ZDHHC14: variants seen among roughly 807,000 people sequenced by gnomAD.
ZDHHC14 encodes the protein zDHHC palmitoyltransferase 14, also known as palmitoyltransferase ZDHHC14.
A neutral mutation model predicts 47.7 loss-of-function variants in ZDHHC14; 16 were observed. The observed-to-expected ratio is 0.34, with a 90% CI of 0.23 to 0.51. The LOEUF is 0.51. Ranked by LOEUF, ZDHHC14 falls within the 20% of genes least tolerant of loss-of-function variation. ZDHHC14 has a pLI of 0.97. For missense variants in ZDHHC14, 515 were observed against 662.5 expected (o/e 0.78, Z 2.44); for synonymous variants, 293 against 278.9 (o/e 1.05, Z -0.50).
chr6:157,608,342 G>A (rs1784622420), intron 3 of ZDHHC14, among the ~76,000 whole-genome samples: 1 of 150,428 alleles, frequency 6.6e-6, no homozygotes, highest in African/African-American at 2.5e-5. Flanking sequence ...TGCCTGCAAA[G>A]AGCTTAGAGA....
intron 3 of ZDHHC14, among the ~76,000 whole-genome samples, chr6:157,599,993 T>G (rs909162408): frequency 6.6e-6 from 1 of 152,086 alleles, no homozygotes; most frequent in Non-Finnish European, 1.5e-5. Flanking sequence ...AAGGAGTGAG[T>G]AGAAAACTGG....
intron 2 of ZDHHC14, among the ~76,000 whole-genome samples, chr6:157,588,401 G>A (rs1032911172): frequency 6.6e-6 from 1 of 152,222 alleles, no homozygotes; most frequent in East Asian, 1.9e-4. Flanking sequence ...CAAGGCTACA[G>A]TGAGCTATGA....
chr6:157,516,311 T>G (rs1354092994), intron 1 of ZDHHC14, among the ~76,000 whole-genome samples: 1 of 152,246 alleles, frequency 6.6e-6, no homozygotes, highest in Admixed American at 6.5e-5. Context: ...CATCCGTATA[T>G]AGCATTGTGA....
chr6:157,617,966 G>A (rs1337640072), intron 3 of ZDHHC14, among the ~76,000 whole-genome samples: 1 of 152,196 alleles, frequency 6.6e-6, no homozygotes, highest in Non-Finnish European at 1.5e-5. Flanking sequence ...CAGCCATTCC[G>A]AGCTAAGATG....
At chr6:157,619,492 A>G (rs540519884) in intron 3 of ZDHHC14, among the ~76,000 whole-genome samples, 1 of 152,366 alleles carries the variant, frequency 6.6e-6, no homozygotes, top group Non-Finnish European at 1.5e-5. Context: ...TCTGTTGTCT[A>G]GTAGTCAAGC....
intron 7 of ZDHHC14, among the ~76,000 whole-genome samples, chr6:157,653,039 C>T (rs1777912128): frequency 6.6e-6 from 1 of 152,148 alleles, no homozygotes; most frequent in African/African-American, 2.4e-5. Flanking sequence ...AACAAAAACA[C>T]AGAGATAGCC....
At chr6:157,633,672 T>C (rs989075532) in intron 5 of ZDHHC14, among the ~76,000 whole-genome samples, 1 of 152,106 alleles carries the variant, frequency 6.6e-6, no homozygotes, top group South Asian at 2.1e-4. Flanking sequence ...AAGGGAATTA[T>C]TCGTTTTTGT....
intron 1 of ZDHHC14, among the ~76,000 whole-genome samples, chr6:157,434,611 G>C (rs1310835404): frequency 6.6e-6 from 1 of 152,038 alleles, no homozygotes; most frequent in Non-Finnish European, 1.5e-5. Flanking sequence ...CTGCAATAGG[G>C]CTTTCTTTTA....
chr6:157,397,715 C>G (rs1045591196), intron 1 of ZDHHC14, among the ~76,000 whole-genome samples: 5 of 152,222 alleles, frequency 3.3e-5, no homozygotes, highest in Admixed American at 2.6e-4. Flanking sequence ...TTTGGGGGAA[C>G]GTTATTCTCC....
At chr6:157,558,057 C>T (rs1001560008) in intron 2 of ZDHHC14, among the ~76,000 whole-genome samples, 5 of 152,244 alleles carry the variant, frequency 3.3e-5, no homozygotes, top group Middle Eastern at 3.4e-3. Flanking sequence ...TTTTATTTAG[C>T]CCAGTTATTG....
chr6:157,395,051 A>G (rs1403388537), intron 1 of ZDHHC14, among the ~76,000 whole-genome samples: 2 of 148,422 alleles, frequency 1.3e-5, no homozygotes, highest in Non-Finnish European at 3.0e-5. Context: ...GCGGCCCTTC[A>G]TCTCGTGTGC....
chr6:157,454,480 C>T (rs1361910795), intron 1 of ZDHHC14, among the ~76,000 whole-genome samples: 1 of 148,578 alleles, frequency 6.7e-6, no homozygotes, highest in African/African-American at 2.5e-5. Flanking sequence ...TTTTAAAATG[C>T]TTTTAATGCA....
intron 1 of ZDHHC14, among the ~76,000 whole-genome samples, chr6:157,524,189 G>A (rs531879775): frequency 6.6e-6 from 1 of 151,670 alleles, no homozygotes; most frequent in African/African-American, 2.4e-5. Flanking sequence ...GAGTGCAATG[G>A]TGTGATCTTG....
At chr6:157,621,056 G>A (rs139854557) in intron 3 of ZDHHC14, among the ~76,000 whole-genome samples, 2,425 of 152,284 alleles carry the variant, frequency 0.016, 30 homozygotes, top group South Asian at 0.036. Flanking sequence ...AGGTGAAGTT[G>A]CTTTTCAGAA....
At chr6:157,608,654 A>C (rs1336925098) in intron 3 of ZDHHC14, among the ~76,000 whole-genome samples, 1 of 152,216 alleles carries the variant, frequency 6.6e-6, no homozygotes, top group East Asian at 1.9e-4. Flanking sequence ...AGTGTGGCAG[A>C]GAGGGCTGCA....
intron 2 of ZDHHC14, among the ~76,000 whole-genome samples, chr6:157,543,488 T>C (rs1411482590): frequency 6.6e-6 from 1 of 152,190 alleles, no homozygotes; most frequent in Non-Finnish European, 1.5e-5. Context: ...GAACATAATG[T>C]TTAGGCCTGA....
At chr6:157,501,607 A>G (rs1224822758) in intron 1 of ZDHHC14, among the ~76,000 whole-genome samples, 3 of 152,216 alleles carry the variant, frequency 2.0e-5, no homozygotes, top group Admixed American at 1.3e-4. Context: ...ATGTTCAGAG[A>G]GCTCTTGCAT....
intron 8 of ZDHHC14, among the ~76,000 whole-genome samples, chr6:157,661,553 A>ATT (rs1162101061): frequency 6.6e-6 from 1 of 152,220 alleles, no homozygotes; most frequent in Non-Finnish European, 1.5e-5. Context: ...GATGGAAGGA[A>ATT]AAGCTTTGCA....
At position 157,522,920 on chromosome 6, in the gene ZDHHC14, CCTTTCTTT is replaced by C. The variant is rs781533305; in HGVS notation, c.246-19647_246-19640del. ...TCCTTCCTTCCTTCCTTCCTTCCTT[CCTTTCTTT>C]CTTTCTTTCTTTCTTTCCTTCCTTC... is the stretch of plus-strand genomic sequence containing the variant. On this transcript the variant is annotated intron_variant, in intron 1 of 8. Transcript: ENST00000359775. Among the ~76,000 whole-genome samples, 2 of 32,072 alleles carry C rather than the reference CCTTTCTTT, an allele frequency of 6.2e-5. 1 individual carries two copies. Among genetic ancestry groups the C allele is most frequent in the Non-Finnish European group, 1.1e-4 (2 of 18,392 alleles). The allele number at this position is 32,072 out of a possible 152,430, so 21.0% of individuals were successfully genotyped here. A position where few individuals can be genotyped will look rare whatever the true frequency, so the allele number is the denominator to read the frequency against.
Sources: allele counts gnomAD v4.1 joint callset (sites outside exome capture counted in the v4.1 genomes callset), GRCh38; gene constraint gnomAD v4.1.1; transcripts MANE v1.5; gene names NCBI Gene and HGNC (gene_info 2026-07-23, HGNC 2026-07-21).